USP22: variants seen among roughly 807,000 people sequenced by gnomAD.
The protein encoded by USP22 is ubiquitin carboxyl-terminal hydrolase 22.
Under a neutral mutation model 68.1 loss-of-function variants are expected in USP22, and 22 were observed. That is an observed-to-expected ratio of 0.32 (90% confidence interval 0.23 to 0.46). The LOEUF (loss-of-function observed/expected upper bound fraction) is 0.46, where lower values mean the gene tolerates loss of function less well. USP22 is among the 20% of genes least tolerant of loss of function. The probability of loss-of-function intolerance (pLI) is 1.00; values close to 1 mark genes in which losing one functional copy is unlikely to be tolerated. For synonymous variants in USP22, 279 were observed against 274.2 expected, an observed-to-expected ratio of 1.02 and a Z score of -0.17; for missense variants, 433 against 695.8, an observed-to-expected ratio of 0.62 and a Z score of 4.25.
rs1428148998 is a variant in USP22, at chr17:21,021,686, TCTTAC to T, written c.305-465_305-461del. 2.0e-5 allele frequency among the ~76,000 whole-genome samples: 3 copies of T among 152,160 alleles called. No homozygotes were observed. The East Asian group carries it at 5.8e-4, about 29-fold the overall frequency. On this transcript the variant is annotated intron_variant, in intron 2 of 12. Transcript: ENST00000261497. Reference sequence around the variant, plus strand: ...TTTTGTGGTTGGCGGCATTTGCTACTCTTACCTTAAGTACAGGGGGAAAATAGTTT... The same window carrying T: ...TTTTGTGGTTGGCGGCATTTGCTACTCTTAAGTACAGGGGGAAAATAGTTT...
intron 6 of USP22, among the ~76,000 whole-genome samples, chr17:21,014,013 G>T (rs181701189): frequency 6.6e-6 from 1 of 152,254 alleles, no homozygotes; most frequent in Non-Finnish European, 1.5e-5. Flanking sequence ...GGCGGAGGTT[G>T]CAGTGAGCTG....
rs1485344838 is a variant in USP22, at chr17:21,014,270, C to T, written c.839-1335G>A. 5.9e-5 allele frequency among the ~76,000 whole-genome samples: 9 copies of T among 152,230 alleles called. No individual in the cohort carries two copies. In the South Asian group the frequency reaches 1.2e-3, roughly 21 times the overall value. ...TCTGTCAGAAGCACGTCAGAGGTCA[C>T]ATTTTGTCATGTGAACATTTAACAG... On this transcript the variant is annotated intron_variant, in intron 6 of 12. Transcript: ENST00000261497.
intron 1 of USP22, among the ~76,000 whole-genome samples, chr17:21,036,895 G>C (rs1455591100): frequency 6.6e-6 from 1 of 152,138 alleles, no homozygotes; most frequent in Non-Finnish European, 1.5e-5. Context: ...CCCAGATCTT[G>C]AGATCTAATT....
chr17:21,036,249 A>C (rs913299679), intron 1 of USP22, among the ~76,000 whole-genome samples: 4 of 151,998 alleles, frequency 2.6e-5, no homozygotes, highest in Non-Finnish European at 5.9e-5. Flanking sequence ...GGGCAGTGCA[A>C]CTGTTCTGTA....
rs765663868 is a variant in USP22 at position 21,008,003 on chromosome 17, G to C, written c.1104-7C>G. 6.2e-7 allele frequency: 1 copy of C among 1,613,222 alleles called. No homozygotes were observed. The highest frequency in any genetic ancestry group is 2.2e-5 in the East Asian group (1 of 44,862). ...GTGCTCTGGTCTGGTGAATCTACAG[G>C]CGTTCAAAAAAGACAGGAGCGGTAA... On this transcript the variant is annotated splice_region_variant and splice_polypyrimidine_tract_variant and intron_variant, in intron 8 of 12. Transcript: ENST00000261497.
chr17:21,009,761 C>A (rs570366660), intron 8 of USP22, among the ~76,000 whole-genome samples: 4 of 152,082 alleles, frequency 2.6e-5, no homozygotes, highest in Non-Finnish European at 5.9e-5. Context: ...TTGGGACTAC[C>A]CTGGCCAATG....
chr17:21,002,985 C>T lies in USP22; in HGVS notation c.*46G>A. 1 of 1,610,076 alleles carries T rather than the reference C, an allele frequency of 6.2e-7. No homozygotes were observed. Among genetic ancestry groups the T allele is most frequent in the Non-Finnish European group, 8.5e-7 (1 of 1,177,880 alleles). ...GGCCAGGGAGGATCACTTTGTGAGG[C>T]TTGCCAATGCATTGCCTTTGTTTTT... On this transcript the variant is annotated 3_prime_UTR_variant, in exon 13 of 13. Transcript: ENST00000261497.
intron 7 of USP22, among the ~76,000 whole-genome samples, chr17:21,011,935 C>A (rs1428954912): frequency 6.6e-6 from 1 of 152,196 alleles, no homozygotes; most frequent in Non-Finnish European, 1.5e-5. Flanking sequence ...TTGCTCAGAG[C>A]AAACTCGGTT....
At chr17:21,043,299 A>ACCCCCCCTCCCCCCCCCCCCCCC (rs1567596606), upstream of USP22, 1 of 11,524 alleles carries the variant, frequency 8.7e-5, no homozygotes. Flanking sequence ...GTAGTAGGCC[A>ACCCCCCCTCCCCCCCCCCCCCCC]CCCCCCCCCC....
rs1913551069 is a variant in USP22 at position 21,000,964 on chromosome 17, T to A, written c.*2067A>T. 6.7e-6 allele frequency: 1 copy of A among 150,294 alleles called. No homozygotes were observed. Among genetic ancestry groups the A allele is most frequent in the African/African-American group, 2.5e-5 (1 of 40,622 alleles). 9.3% of individuals were successfully genotyped at this position (150,294 alleles called of 1,614,324 possible). Reference sequence around the variant, plus strand: ...ACTTGGGAGGCTGCGGCACGAGAACTGCTTGAACCCAGGAGGTGGAGGTTG... The same window carrying A: ...ACTTGGGAGGCTGCGGCACGAGAACAGCTTGAACCCAGGAGGTGGAGGTTG... On this transcript the variant is annotated 3_prime_UTR_variant, in exon 13 of 13. Transcript: ENST00000261497.
intron 7 of USP22, among the ~76,000 whole-genome samples, chr17:21,012,568 C>T (rs1914003842): frequency 6.6e-6 from 1 of 152,056 alleles, no homozygotes; most frequent in South Asian, 2.1e-4. Context: ...GTAGGGGAAG[C>T]TTCCAAGAAC....
chr17:21,001,866 TCTA>T lies in USP22; in HGVS notation c.*1162_*1164del, dbSNP rs750163650. ...TCTTACAAGAAACAATGCACATCCT[TCTA>T]CTTTCTCTTTCAGCTCTGCTGACAA... On this transcript the variant is annotated 3_prime_UTR_variant, in exon 13 of 13. Coordinates refer to ENST00000261497, the MANE Select transcript of USP22 (RefSeq NM_015276.2). The T allele has an allele frequency of 1.1e-4, 17 of 152,382 alleles. No individual in the cohort carries two copies. In the East Asian group the frequency reaches 2.5e-3, roughly 22 times the overall value. 9.4% of individuals were successfully genotyped at this position (152,382 alleles called of 1,614,324 possible).
At chr17:21,022,382 AAAAT>A (rs1292359664) in intron 2 of USP22, among the ~76,000 whole-genome samples, 1 of 152,090 alleles carries the variant, frequency 6.6e-6, no homozygotes, top group Non-Finnish European at 1.5e-5. Flanking sequence ...AAAAGTCAAA[AAAAT>A]AAAATAAAAT....
chr17:21,033,889 C>T (rs543365510), intron 1 of USP22, among the ~76,000 whole-genome samples: 2 of 151,988 alleles, frequency 1.3e-5, no homozygotes, highest in South Asian at 2.1e-4. Flanking sequence ...TCTGGGACTA[C>T]GGGCGCGTGC....
intron 1 of USP22, among the ~76,000 whole-genome samples, chr17:21,033,091 G>A (rs966741290): frequency 3.3e-5 from 5 of 152,076 alleles, no homozygotes; most frequent in South Asian, 2.1e-4. Context: ...CATGGACCGT[G>A]GAGGGGTGGC....
intron 12 of USP22, among the ~76,000 whole-genome samples, chr17:21,003,474 T>TCC (rs1000226903): frequency 2.6e-5 from 4 of 152,204 alleles, no homozygotes; most frequent in African/African-American, 9.7e-5. Context: ...GGGCTTGGCT[T>TCC]CCGTGTTGCT....
chr17:21,037,890 C>T (rs556128938), intron 1 of USP22, among the ~76,000 whole-genome samples: 5 of 152,180 alleles, frequency 3.3e-5, no homozygotes, highest in South Asian at 2.1e-4. Context: ...AAGAAGTTAC[C>T]CTTAGAGGAC....
At chr17:21,003,111 C>G (rs780260668) in intron 12 of USP22, 38 bp from the exon 13 acceptor site, 1 of 1,612,460 alleles carries the variant, frequency 6.2e-7, no homozygotes, top group South Asian at 1.1e-5. Context: ...TCACCTCTAA[C>G]TCCTAAGACA....
intron 4 of USP22, among the ~76,000 whole-genome samples, chr17:21,018,689 C>T (rs1032202904): frequency 1.4e-5 from 2 of 144,986 alleles, no homozygotes; most frequent in African/African-American, 5.1e-5. Flanking sequence ...CAGAGCAAGA[C>T]TCTGTCTCAA....
Sources: allele counts gnomAD v4.1 joint callset (sites outside exome capture counted in the v4.1 genomes callset), GRCh38; gene constraint gnomAD v4.1.1; transcripts MANE v1.5; gene names NCBI Gene and HGNC (gene_info 2026-07-23, HGNC 2026-07-21).